Variants in USP32 observed in about 807,000 individuals in gnomAD.
USP32 encodes the protein ubiquitin carboxyl-terminal hydrolase 32.
USP32 carries 59 observed loss-of-function variants against 204.8 expected under a neutral mutation model. That is an observed-to-expected ratio of 0.29 (90% CI 0.23 to 0.36). The LOEUF (loss-of-function observed/expected upper bound fraction) is 0.36. Among genes scored for constraint, USP32 ranks in the 10% least tolerant of loss-of-function variants. The pLI is 1.00. For synonymous variants in USP32, 517 were observed against 678.4 expected (o/e 0.76, Z 3.70); for missense variants, 1,160 against 1,946.4 (o/e 0.60, Z 7.60).
chr17:60,406,640 T>C (rs1250636006), intron 1 of USP32, among the ~76,000 whole-genome samples: 3 of 151,826 alleles, frequency 2.0e-5, no homozygotes, highest in African/African-American at 7.2e-5. Flanking sequence ...CTCAGCCTCC[T>C]GAGTAGCTGT....
At chr17:60,204,350 C>T (rs2084767992) in intron 26 of USP32, among the ~76,000 whole-genome samples, 1 of 151,846 alleles carries the variant, frequency 6.6e-6, no homozygotes, top group Non-Finnish European at 1.5e-5. Flanking sequence ...CAAGGTCTCA[C>T]TTATTGCCCA....
At position 60,294,765 on chromosome 17, in the gene USP32, T is replaced by C. The variant is rs756919354; in HGVS notation, c.329A>G (p.Tyr110Cys). The change falls in exon 4 of 34, where the codon TAT becomes TGT. Residue 110 changes from tyrosine (Y) to cysteine (C), a missense_variant. By Grantham distance (194) the Tyr-to-Cys change is radical. This residue lies in a region of USP32 where 536 missense variants were observed against 680.9 expected (regional missense o/e 0.79). Coordinates refer to ENST00000300896, the MANE Select transcript of USP32 (RefSeq NM_032582.4). ...TCTTTCCATTTCTTCCCGTATAACA[T>C]AGTTCCCAGATTCACTTGAAAAAAG... ...FSLFSSESGN[Y>C]VIREEMERML... 1.9e-6 allele frequency: 3 copies of C among 1,612,390 alleles called. No individual in the cohort carries two copies. The highest frequency in any genetic ancestry group is 1.1e-5 in the South Asian group (1 of 90,820).
intron 1 of USP32, among the ~76,000 whole-genome samples, chr17:60,406,363 G>T (rs12948682): frequency 2.6e-5 from 4 of 151,744 alleles, no homozygotes; most frequent in Admixed American, 6.6e-5. Context: ...ATGTTTAGTA[G>T]AGAAAGGGTT....
At chr17:60,281,909 C>T (rs1410338120) in intron 5 of USP32, among the ~76,000 whole-genome samples, 4 of 152,200 alleles carry the variant, frequency 2.6e-5, no homozygotes, top group Admixed American at 6.5e-5. Context: ...TCAATAATTT[C>T]TCCAAATAAT....
chr17:60,412,370 G>A (rs2143087157), intron 1 of USP32, among the ~76,000 whole-genome samples: 2 of 151,528 alleles, frequency 1.3e-5, no homozygotes. Context: ...CCGGGTATGT[G>A]ATGTGAACCT....
chr17:60,364,777 ACATAATTTATC>A (rs910270986), intron 1 of USP32, among the ~76,000 whole-genome samples: 3 of 152,244 alleles, frequency 2.0e-5, no homozygotes, highest in South Asian at 2.1e-4. Context: ...ATAAAGGCCA[ACATAATTTATC>A]CATAATTTAT....
chr17:60,211,514 A>G lies in USP32; in HGVS notation c.2180T>C (p.Val727Ala). The change falls in exon 20 of 34, where the codon GTT becomes GCT. Residue 727 changes from valine to alanine, a missense_variant and splice_region_variant. Coordinates refer to ENST00000300896, the MANE Select transcript of USP32 (RefSeq NM_032582.4). ...ANSSKIDRHK[V>A]PTEKGATGLS... ...ACCTGTGGCTCCCTTTTCTGTGGGAACTGGAACAAACAATATGAGAACCAA... is the reference window on the plus strand; with the variant it reads ...ACCTGTGGCTCCCTTTTCTGTGGGAGCTGGAACAAACAATATGAGAACCAA... The G allele has an allele frequency of 6.2e-7, 1 of 1,609,246 alleles. No individual in the cohort carries two copies.
At position 60,301,648 on chromosome 17, in the gene USP32, T is replaced by C. The variant is rs2087579842; in HGVS notation, c.243A>G (p.Ile81Met). ...TSKGLHFNNL[I>M]VGLVLLTRGK... is the part of the protein sequence containing the mutation. ...CTCTTGTAAGGAGGACAAGTCCAACTATTAAATTATTGAAGTGCAGCCCTT... is the reference window on the plus strand; with the variant it reads ...CTCTTGTAAGGAGGACAAGTCCAACCATTAAATTATTGAAGTGCAGCCCTT... Residue 81 changes from isoleucine (I) to methionine (M), a missense_variant, in exon 3 of 34, where the codon ATA becomes ATG. Physicochemically the swap from Ile to Met is conservative, Grantham distance 10. Coordinates refer to ENST00000300896, the MANE Select transcript of USP32 (RefSeq NM_032582.4). 1 of 1,597,566 alleles carries C rather than the reference T, an allele frequency of 6.3e-7. No homozygotes were observed. Among genetic ancestry groups the C allele is most frequent in the Non-Finnish European group, 8.5e-7 (1 of 1,176,134 alleles).
intron 12 of USP32, chr17:60,231,493 C>T: frequency 2.1e-6 from 1 of 482,064 alleles, no homozygotes; most frequent in Non-Finnish European, 4.3e-6. Flanking sequence ...GTGTTTCATT[C>T]CTTTTATTTC....
At chr17:60,300,379 G>A (rs1006969475) in intron 3 of USP32, among the ~76,000 whole-genome samples, 3 of 151,544 alleles carry the variant, frequency 2.0e-5, no homozygotes, top group African/African-American at 4.9e-5. Flanking sequence ...CGAAACAGAC[G>A]GACACTAAGC....
At chr17:60,415,330 G>A (rs8068802) in intron 1 of USP32, among the ~76,000 whole-genome samples, 27,313 of 152,098 alleles carry the variant, frequency 0.18, 5,744 homozygotes, top group African/African-American at 0.51. Context: ...GGTTAATTGG[G>A]CTTTAAACCC....
At chr17:60,312,425 T>C (rs1567846051) in intron 2 of USP32, among the ~76,000 whole-genome samples, 1 of 152,104 alleles carries the variant, frequency 6.6e-6, no homozygotes, top group African/African-American at 2.4e-5. Flanking sequence ...TTGTTGTTGT[T>C]GTCGTTGTCG....
intron 1 of USP32, among the ~76,000 whole-genome samples, chr17:60,350,898 T>G (rs2088931522): frequency 6.6e-6 from 1 of 152,084 alleles, no homozygotes; most frequent in East Asian, 1.9e-4. Context: ...CTATTGAATT[T>G]TTTTTTTTAA....
chr17:60,297,932 G>A (rs1279571305), intron 3 of USP32, among the ~76,000 whole-genome samples: 1 of 152,140 alleles, frequency 6.6e-6, no homozygotes, highest in East Asian at 1.9e-4. Context: ...AGCTATTTCA[G>A]TAGCTATCAA....
chr17:60,344,848 G>C (rs957128961), intron 2 of USP32, among the ~76,000 whole-genome samples: 1 of 151,716 alleles, frequency 6.6e-6, no homozygotes, highest in Non-Finnish European at 1.5e-5. Context: ...ATTTTTTTTA[G>C]AGACAGTGTC....
At chr17:60,344,734 C>T (rs2088743883) in intron 2 of USP32, among the ~76,000 whole-genome samples, 1 of 152,250 alleles carries the variant, frequency 6.6e-6, no homozygotes. Flanking sequence ...AGATTATAGG[C>T]ATAAGCCAAC....
intron 2 of USP32, among the ~76,000 whole-genome samples, chr17:60,331,104 GC>G (rs2088371631): frequency 6.6e-6 from 1 of 152,120 alleles, no homozygotes; most frequent in South Asian, 2.1e-4. Flanking sequence ...AAATACAAAT[GC>G]CCTAACAAAG....
chr17:60,297,366 A>C (rs996210788), intron 3 of USP32, among the ~76,000 whole-genome samples: 6 of 152,164 alleles, frequency 3.9e-5, no homozygotes, highest in African/African-American at 1.4e-4. Flanking sequence ...ACTGTACTGC[A>C]GACTGGGAGA....
chr17:60,265,536 C>G, intron 8 of USP32, 62 bp from the exon 9 acceptor site: 1 of 1,131,884 alleles, frequency 8.8e-7, no homozygotes, highest in Non-Finnish European at 1.3e-6. Flanking sequence ...TTTTGTTATT[C>G]AATGGCTAAA....
Sources: gnomAD v4.1 joint callset for allele counts (sites outside exome capture counted in the v4.1 genomes callset) on GRCh38, gnomAD v4.1.1 for gene constraint, gnomAD v4.1.1 regional missense constraint, MANE v1.5 for transcripts, NCBI Gene and HGNC (gene_info 2026-07-23, HGNC 2026-07-21) for gene names.